DDX3Y: variants seen among roughly 807,000 people sequenced by gnomAD.
DDX3Y encodes DEAD-box helicase 3 Y-linked, also known as ATP-dependent RNA helicase DDX3Y.
In DDX3Y, 2 loss-of-function variants were observed where a neutral mutation model predicts 15.1. The observed-to-expected ratio is 0.13, with a 90% CI of 0.05 to 0.42. DDX3Y has a LOEUF of 0.42. Ranked by LOEUF, DDX3Y falls within the 10% of genes least tolerant of loss-of-function variation. The pLI, the probability that DDX3Y is intolerant of heterozygous loss-of-function variation, is 0.99. For synonymous variants in DDX3Y, 47 were observed against 45.0 expected (o/e 1.04, Z -0.18); for missense variants, 81 against 149.9 (o/e 0.54, Z 2.40).
At chrY:12,905,626 C>T in intron 1 of DDX3Y, 1 of 142,275 alleles carries the variant, frequency 7.0e-6, no homozygotes, top group South Asian at 5.1e-5. Context: ...TGGTGGGGTC[C>T]CGTAGCCACG....
Position 12,919,869 on chromosome Y carries a change from T to C in DDX3Y, c.*1747T>C, listed in dbSNP as rs2053661232. On this transcript the variant is annotated 3_prime_UTR_variant, in exon 17 of 17. Transcript: ENST00000336079. Reference sequence around the variant, plus strand: ...TATTTATTGAACATTTTGACAAATATTTATTTTTGTAAGCCTAAAAATGAT... The same window carrying C: ...TATTTATTGAACATTTTGACAAATACTTATTTTTGTAAGCCTAAAAATGAT... The C allele has an allele frequency of 2.9e-5, 1 of 33,909 alleles. No individual in the cohort carries two copies. The highest frequency in any genetic ancestry group is 7.3e-5 in the Non-Finnish European group (1 of 13,658). The allele number at this position is 33,909 out of a possible 400,897, so 8.5% of individuals were successfully genotyped here. A position where few individuals can be genotyped will look rare whatever the true frequency, so the allele number is the denominator to read the frequency against.
In DDX3Y at chrY:12,904,999, T is replaced by C; in HGVS notation, c.45+18T>C. 2.5e-6 allele frequency: 1 copy of C among 397,035 alleles called. No homozygotes were observed. Among genetic ancestry groups the C allele is most frequent in the Non-Finnish European group, 3.6e-6 (1 of 281,639 alleles). ...ACCAGCAGGTGAGTCAAAGTAAGCC[T>C]ACCGAGGCTTTCTACGGGACCCTTT... is the stretch of plus-strand genomic sequence containing the variant. On this transcript the variant is annotated intron_variant, in intron 1 of 16. Transcript: ENST00000336079.
Position 12,904,973 on chromosome Y carries a change from G to A in DDX3Y, c.37G>A (p.Asp13Asn). ...HVVVKNDPEL[D>N]QQLANLDLNS... ...GGTGGTGAAAAATGACCCTGAACTG[G>A]ACCAGCAGGTGAGTCAAAGTAAGCC... Residue 13 changes from aspartate (D) to asparagine (N), a missense_variant, in exon 1 of 17, where the codon GAC (aspartate) becomes AAC (asparagine). Transcript: ENST00000336079. 2.5e-6 allele frequency: 1 copy of A among 399,046 alleles called. No homozygotes were observed. Among genetic ancestry groups the A allele is most frequent in the Non-Finnish European group, 3.5e-6 (1 of 283,481 alleles).
chrY:12,906,028 T>C (rs2053610596), intron 1 of DDX3Y, among the ~76,000 whole-genome samples: 1 of 33,417 alleles, frequency 3.0e-5, no homozygotes, highest in Admixed American at 2.7e-4. Flanking sequence ...ATTGTTGATA[T>C]AGGTTTAACT....
chrY:12,909,502 G>A, intron 3 of DDX3Y, 95 bp downstream of exon 3: 1 of 187,211 alleles, frequency 5.3e-6, no homozygotes, highest in Non-Finnish European at 9.2e-6. Flanking sequence ...AATGTTTTTT[G>A]TCCCCTCCTG....
At chrY:12,906,972 T>C in intron 1 of DDX3Y, among the ~76,000 whole-genome samples, 1 of 31,943 alleles carries the variant, frequency 3.1e-5, no homozygotes. Context: ...CTCCATAAAG[T>C]ATCGAACATT....
At chrY:12,911,455 G>A in intron 3 of DDX3Y, among the ~76,000 whole-genome samples, 1 of 33,383 alleles carries the variant, frequency 3.0e-5, no homozygotes, top group Admixed American at 2.7e-4. Flanking sequence ...TTAAAAATTG[G>A]GAACTTGGAA....
chrY:12,909,458 G>A (rs376844226), intron 3 of DDX3Y, 51 bp downstream of exon 3: 1 of 320,622 alleles, frequency 3.1e-6, no homozygotes, highest in South Asian at 3.5e-5. Context: ...GCTAATCAAA[G>A]CCTAGGGAAG....
Position 12,909,423 on chromosome Y carries a change from A to G in DDX3Y, c.151+16A>G, listed in dbSNP as rs1209938666. 2 of 382,444 alleles carry G rather than the reference A, an allele frequency of 5.2e-6. No homozygotes were observed. The highest frequency in any genetic ancestry group is 1.5e-4 in the Admixed American group (2 of 12,947). ...GCATCTAAAGGTACGTCTTTAAGGC[A>G]ACTTTGTAGACCTAACCTTTAGCAG... On this transcript the variant is annotated intron_variant, in intron 3 of 16. Coordinates refer to ENST00000336079, the MANE Select transcript of DDX3Y (RefSeq NM_004660.5).
At chrY:12,906,548 G>A (rs8179022) in intron 1 of DDX3Y, among the ~76,000 whole-genome samples, 274 of 33,698 alleles carry the variant, frequency 8.1e-3, no homozygotes, top group South Asian at 0.036. Context: ...AATTCAGATG[G>A]CAAGATTTTT....
At chrY:12,912,906 AT>A (rs2053634116) in intron 5 of DDX3Y, 24 bp downstream of exon 5, 1 of 395,504 alleles carries the variant, frequency 2.5e-6, no homozygotes, top group Non-Finnish European at 3.5e-6. Flanking sequence ...ATGTATGTTA[AT>A]TGTTATGAAA....
In DDX3Y at chrY:12,920,025, C is replaced by T. The variant is rs944027173; in HGVS notation, c.*1903C>T. Reference sequence around the variant, plus strand: ...AGCTTTTAATGTTAAGTCTGTTAAACTTGAGTCAAATTAAGCAGACCCGGC... The same window carrying T: ...AGCTTTTAATGTTAAGTCTGTTAAATTTGAGTCAAATTAAGCAGACCCGGC... On this transcript the variant is annotated 3_prime_UTR_variant, in exon 17 of 17. Transcript: ENST00000336079. The T allele has an allele frequency of 6.0e-5, 2 of 33,578 alleles. No individual in the cohort carries two copies. The highest frequency in any genetic ancestry group is 1.2e-4 in the African/African-American group (1 of 8,557). The allele number at this position is 33,578 out of a possible 400,897, so 8.4% of individuals were successfully genotyped here. A position where few individuals can be genotyped will look rare whatever the true frequency, so the allele number is the denominator to read the frequency against.
In DDX3Y at chrY:12,915,737, C is replaced by T; in HGVS notation, c.1127C>T (p.Thr376Ile). 2.5e-6 allele frequency: 1 copy of T among 398,610 alleles called. No homozygotes were observed. Among genetic ancestry groups the T allele is most frequent in the Non-Finnish European group, 3.5e-6 (1 of 283,418 alleles). ...DTMPPKGVRH[T>I]MMFSATFPKE... is the part of the protein sequence containing the mutation. ...ATGCCACCAAAGGGCGTTCGTCACA[C>T]CATGATGTTTAGTGCTACTTTTCCT... is the stretch of plus-strand genomic sequence containing the variant. The change falls in exon 11 of 17, where the codon ACC becomes ATC. Residue 376 changes from threonine (T) to isoleucine (I), a missense_variant. Thr to Ile is a moderately conservative substitution (Grantham distance 89). Transcript: ENST00000336079.
At chrY:12,912,239 T>G (rs9341302) in intron 4 of DDX3Y, among the ~76,000 whole-genome samples, 1 of 33,736 alleles carries the variant, frequency 3.0e-5, no homozygotes, top group Non-Finnish European at 7.3e-5. Flanking sequence ...CACTTCATTT[T>G]TGATGTGTGT....
chrY:12,917,835 T>G (rs768860678), intron 16 of DDX3Y, among the ~76,000 whole-genome samples: 1 of 32,615 alleles, frequency 3.1e-5, no homozygotes, highest in African/African-American at 1.2e-4. Flanking sequence ...GTGCTGGGAT[T>G]ACAGGCTTGA....
At chrY:12,912,929 G>A in intron 5 of DDX3Y, 34 bp from the exon 6 acceptor site, 1 of 390,045 alleles carries the variant, frequency 2.6e-6, no homozygotes, top group Admixed American at 7.4e-5. Flanking sequence ...TTATTGCTTA[G>A]TATAACATGT....
chrY:12,906,959 C>T, intron 1 of DDX3Y, among the ~76,000 whole-genome samples: 2 of 31,904 alleles, frequency 6.3e-5, no homozygotes, highest in Admixed American at 2.9e-4. Context: ...TAAATGCTAC[C>T]ATCTCCATAA....
intron 1 of DDX3Y, among the ~76,000 whole-genome samples, chrY:12,905,294 G>C (rs2053608575): frequency 2.9e-5 from 1 of 34,253 alleles, no homozygotes; most frequent in Non-Finnish European, 7.3e-5. Flanking sequence ...CCACGAACCC[G>C]TTTGTGAGGG....
intron 7 of DDX3Y, among the ~76,000 whole-genome samples, chrY:12,914,329 G>A: frequency 5.9e-5 from 2 of 34,150 alleles, no homozygotes; most frequent in Non-Finnish European, 1.5e-4. Context: ...ACAAAGAAAT[G>A]TTGAACTGAA....
Sources: gnomAD v4.1 joint callset for allele counts (sites outside exome capture counted in the v4.1 genomes callset) on GRCh38, gnomAD v4.1.1 for gene constraint, MANE v1.5 for transcripts, NCBI Gene and HGNC (gene_info 2026-07-23, HGNC 2026-07-21) for gene names.